Variants in TMEM182 observed in about 807,000 individuals in gnomAD.
TMEM182 encodes the protein transmembrane protein 182.
In TMEM182, 20 loss-of-function variants were observed where a neutral mutation model predicts 26.8. The ratio of observed to expected loss-of-function variants is 0.75; its 90% CI spans 0.53 to 1.09. The LOEUF (loss-of-function observed/expected upper bound fraction) is 1.09, where lower values mean the gene tolerates loss of function less well. Among genes scored for constraint, TMEM182 ranks in the 50% least tolerant of loss-of-function variants. The pLI is 0.00. For missense variants in TMEM182, 277 were observed against 275.5 expected (o/e 1.01, Z -0.04); for synonymous variants, 109 against 102.2 (o/e 1.07, Z -0.40).
intron 4 of TMEM182, among the ~76,000 whole-genome samples, chr2:102,802,165 G>A (rs1558781272): frequency 6.6e-6 from 1 of 152,194 alleles, no homozygotes; most frequent in Non-Finnish European, 1.5e-5. Context: ...GTTAGGGAAG[G>A]GCAGAGCTAA....
Position 102,816,401 on chromosome 2 carries a change from C to T in TMEM182, c.*1433C>T, listed in dbSNP as rs1470505337. On this transcript the variant is annotated 3_prime_UTR_variant, in exon 5 of 5. Transcript: ENST00000412401. ...ATGCCGTGGGAGAGGTGATCCCAGT[C>T]TTCTCTGTACATCTTGTGCTTTTCC... 1 of 985,188 alleles carries T rather than the reference C, an allele frequency of 1.0e-6. No individual in the cohort carries two copies. The highest frequency in any genetic ancestry group is 4.7e-5 in the South Asian group (1 of 21,256). The allele number at this position is 985,188 out of a possible 1,614,324, so 61.0% of individuals were successfully genotyped here.
intron 3 of TMEM182, among the ~76,000 whole-genome samples, chr2:102,826,625 G>A (rs1683035822): frequency 6.6e-6 from 1 of 151,962 alleles, no homozygotes; most frequent in East Asian, 1.9e-4. Flanking sequence ...TGTTTTTAGG[G>A]CTTCTGATCC....
chr2:102,811,701 C>A (rs182312320), intron 4 of TMEM182, among the ~76,000 whole-genome samples: 292 of 152,228 alleles, frequency 1.9e-3, no homozygotes, highest in African/African-American at 6.5e-3. Flanking sequence ...AAATAATGTA[C>A]CACTATCATT....
chr2:102,831,504 C>A (rs1683150344), intron 3 of TMEM182, among the ~76,000 whole-genome samples: 1 of 152,130 alleles, frequency 6.6e-6, no homozygotes, highest in African/African-American at 2.4e-5. Context: ...TGCCTGTAAT[C>A]CCAGCACTTT....
chr2:102,789,383 A>G (rs951627264), intron 3 of TMEM182, among the ~76,000 whole-genome samples: 1 of 152,242 alleles, frequency 6.6e-6, no homozygotes, highest in East Asian at 1.9e-4. Flanking sequence ...TTTTCTCTCT[A>G]TACCCTCTAT....
At chr2:102,762,445 T>C in intron 1 of TMEM182, 96 bp downstream of exon 1, 1 of 1,549,262 alleles carries the variant, frequency 6.5e-7, no homozygotes, top group Non-Finnish European at 8.8e-7. Context: ...GAGTGTCTAT[T>C]TCTTCATGGA....
chr2:102,781,251 A>G (rs1428974707), intron 3 of TMEM182, among the ~76,000 whole-genome samples: 1 of 152,182 alleles, frequency 6.6e-6, no homozygotes, highest in Non-Finnish European at 1.5e-5. Context: ...TGTAAGGGAA[A>G]GAGCAGTCAT....
chr2:102,776,107 C>T (rs1461934912), intron 3 of TMEM182, among the ~76,000 whole-genome samples: 2 of 152,170 alleles, frequency 1.3e-5, no homozygotes, highest in Non-Finnish European at 2.9e-5. Flanking sequence ...ATCCCACCAC[C>T]TACACAGTTT....
At chr2:102,748,512 A>G (rs1405689564) in intron 1 of TMEM182, among the ~76,000 whole-genome samples, 1 of 152,228 alleles carries the variant, frequency 6.6e-6, no homozygotes, top group Non-Finnish European at 1.5e-5. Context: ...GGTGGGTCCT[A>G]TGCTGGGCAC....
chr2:102,805,771 GT>G (rs1682321611), intron 4 of TMEM182, among the ~76,000 whole-genome samples: 1 of 152,118 alleles, frequency 6.6e-6, no homozygotes, highest in Non-Finnish European at 1.5e-5. Flanking sequence ...TGAACCGAGT[GT>G]GGTGGTGGTG....
In TMEM182 at chr2:102,815,044, T is replaced by C; in HGVS notation, c.*76T>C. On this transcript the variant is annotated 3_prime_UTR_variant, in exon 5 of 5. Transcript: ENST00000412401. ...CTTTTTTTCCATTTTGTTTCATTGA[T>C]CCCAGCATAAAGTTAGTAGATATAA... 1 of 1,556,634 alleles carries C rather than the reference T, an allele frequency of 6.4e-7. No homozygotes were observed. The highest frequency in any genetic ancestry group is 8.7e-7 in the Non-Finnish European group (1 of 1,152,278).
chr2:102,744,119 C>T (rs1273428868), intron 1 of TMEM182, among the ~76,000 whole-genome samples: 1 of 152,138 alleles, frequency 6.6e-6, no homozygotes, highest in Non-Finnish European at 1.5e-5. Context: ...TTGTCTCAAG[C>T]TCAAATTGAC....
chr2:102,833,243 G>C (rs1338738544), intron 3 of TMEM182, among the ~76,000 whole-genome samples: 1 of 152,036 alleles, frequency 6.6e-6, no homozygotes, highest in African/African-American at 2.4e-5. Context: ...TCATAGTCTG[G>C]TATAAATCAG....
chr2:102,746,403 A>G (rs929010659), intron 1 of TMEM182, among the ~76,000 whole-genome samples: 2 of 152,186 alleles, frequency 1.3e-5, no homozygotes, highest in South Asian at 2.1e-4. Flanking sequence ...ATTGATATCA[A>G]TGTCCTTTGA....
intron 1 of TMEM182, among the ~76,000 whole-genome samples, chr2:102,749,238 G>T (rs1387972279): frequency 6.6e-6 from 1 of 152,044 alleles, no homozygotes; most frequent in Non-Finnish European, 1.5e-5. Context: ...ATATCAGATA[G>T]TAATAAGGAA....
upstream of TMEM182, chr2:102,758,262 T>C (rs1487814443): frequency 6.0e-6 from 3 of 498,348 alleles, no homozygotes; most frequent in Non-Finnish European, 1.1e-5. Flanking sequence ...AGAGAACCTA[T>C]GTCTCAGTTT....
chr2:102,822,388 C>T (rs540303768), downstream of TMEM182, among the ~76,000 whole-genome samples: 6 of 151,974 alleles, frequency 3.9e-5, no homozygotes, highest in South Asian at 2.1e-4. Context: ...CCCAGAAGGA[C>T]GATGTTTCGA....
intron 1 of TMEM182, among the ~76,000 whole-genome samples, chr2:102,745,755 G>A (rs527732589): frequency 8.5e-5 from 13 of 152,116 alleles, no homozygotes; most frequent in Admixed American, 8.5e-4. Context: ...TTTGTGACTG[G>A]GTCCTTCAGC....
chr2:102,773,022 G>A (rs1421953171), intron 3 of TMEM182, among the ~76,000 whole-genome samples: 1 of 151,936 alleles, frequency 6.6e-6, no homozygotes, highest in Non-Finnish European at 1.5e-5. Flanking sequence ...ATAGACACAT[G>A]TTCATTATTG....
Sources: gnomAD v4.1 joint callset for allele counts (sites outside exome capture counted in the v4.1 genomes callset) on GRCh38, gnomAD v4.1.1 for gene constraint, MANE v1.5 for transcripts, NCBI Gene and HGNC (gene_info 2026-07-23, HGNC 2026-07-21) for gene names.